GRIK2: variants seen among roughly 807,000 people sequenced by gnomAD.
GRIK2 encodes the protein glutamate receptor ionotropic, kainate 2.
In GRIK2, 32 loss-of-function variants were observed where a neutral mutation model predicts 100.3. The observed-to-expected ratio is 0.32, with a 90% CI of 0.24 to 0.43. The LOEUF is 0.43. Among genes scored for constraint, GRIK2 ranks in the 20% least tolerant of loss-of-function variants. The pLI, the probability that GRIK2 is intolerant of heterozygous loss-of-function variation, is 1.00. For synonymous variants in GRIK2, 417 were observed against 389.4 expected (o/e 1.07, Z -0.83); for missense variants, 843 against 1,114.9 (o/e 0.76, Z 3.47).
intron 2 of GRIK2, among the ~76,000 whole-genome samples, chr6:101,616,136 C>T (rs1198007549): frequency 6.6e-6 from 1 of 151,724 alleles, no homozygotes; most frequent in Non-Finnish European, 1.5e-5. Context: ...TTTTAGCTTT[C>T]TCTTCCTATT....
Position 101,588,138 on chromosome 6 carries a change from A to T in GRIK2, c.116-33811A>T, listed in dbSNP as rs1582777234. 2.0e-5 allele frequency among the ~76,000 whole-genome samples: 3 copies of T among 152,138 alleles called. 1 individual carries two copies. The East Asian group carries it at 5.8e-4, about 29-fold the overall frequency. On this transcript the variant is annotated intron_variant, in intron 2 of 16. Transcript: ENST00000369134. ...TTTTATTTTGTTAGTGTAAAATATG[A>T]ATATAACCTAAAATGTAAAGATCAT... is the stretch of plus-strand genomic sequence containing the variant.
intron 2 of GRIK2, among the ~76,000 whole-genome samples, chr6:101,449,647 CA>C (rs1770560056): frequency 6.6e-6 from 1 of 151,618 alleles, no homozygotes; most frequent in Non-Finnish European, 1.5e-5. Flanking sequence ...TGGAATTTAG[CA>C]AATTCTGTTG....
At chr6:101,750,425 T>C (rs919710898) in intron 7 of GRIK2, among the ~76,000 whole-genome samples, 4 of 152,154 alleles carry the variant, frequency 2.6e-5, no homozygotes, top group Non-Finnish European at 5.9e-5. Context: ...ATAAATGTGT[T>C]TGAAAACCAT....
intron 10 of GRIK2, among the ~76,000 whole-genome samples, chr6:101,856,560 A>C (rs888986485): frequency 2.0e-5 from 3 of 152,222 alleles, no homozygotes; most frequent in Admixed American, 6.5e-5. Flanking sequence ...GTTAGAGCTC[A>C]TAACTAATTT....
At chr6:101,572,568 G>A (rs1242904550) in intron 2 of GRIK2, among the ~76,000 whole-genome samples, 1 of 151,888 alleles carries the variant, frequency 6.6e-6, no homozygotes, top group African/African-American at 2.4e-5. Flanking sequence ...TAGTTGTTTT[G>A]ATTTCTTGCT....
chr6:101,927,210 G>A (rs1789958849), intron 13 of GRIK2: 1 of 160,698 alleles, frequency 6.2e-6, no homozygotes, highest in African/African-American at 2.4e-5. Context: ...AAGATGGGCT[G>A]TTTTGATATA....
At chr6:101,982,745 C>T (rs773879855) in intron 14 of GRIK2, among the ~76,000 whole-genome samples, 36 of 150,806 alleles carry the variant, frequency 2.4e-4, no homozygotes, top group Non-Finnish European at 5.2e-4. Flanking sequence ...TAAGTGTAGA[C>T]TACAGCAAAA....
chr6:102,060,061 T>C (rs978295478), intron 16 of GRIK2, among the ~76,000 whole-genome samples: 4 of 150,684 alleles, frequency 2.7e-5, no homozygotes, highest in Admixed American at 6.7e-5. Flanking sequence ...AGGTGTCCCA[T>C]CTTGAACACA....
intron 4 of GRIK2, among the ~76,000 whole-genome samples, chr6:101,671,698 T>C (rs1338283833): frequency 6.6e-6 from 1 of 152,054 alleles, no homozygotes. Flanking sequence ...ACCCCATCTC[T>C]ACTAAAAATA....
intron 14 of GRIK2, among the ~76,000 whole-genome samples, chr6:102,025,861 C>T (rs1345409358): frequency 1.3e-5 from 2 of 150,736 alleles, no homozygotes; most frequent in African/African-American, 4.9e-5. Context: ...AATGAATAAT[C>T]TAGTGAATTA....
chr6:101,696,396 C>T (rs1034093193), intron 7 of GRIK2, among the ~76,000 whole-genome samples: 1 of 151,752 alleles, frequency 6.6e-6, no homozygotes, highest in African/African-American at 2.4e-5. Context: ...AAATTACCTA[C>T]CTCTGGATCC....
At chr6:101,919,415 G>A (rs1317630103) in intron 12 of GRIK2, among the ~76,000 whole-genome samples, 4 of 151,800 alleles carry the variant, frequency 2.6e-5, no homozygotes, top group Non-Finnish European at 5.9e-5. Context: ...TAAGTCTCAA[G>A]AGCTCAGAGA....
At chr6:101,980,201 G>A (rs1346069626) in intron 14 of GRIK2, among the ~76,000 whole-genome samples, 1 of 151,866 alleles carries the variant, frequency 6.6e-6, no homozygotes, top group African/African-American at 2.4e-5. Context: ...GAGCTTCTGA[G>A]GCTGTTCAAA....
chr6:101,864,935 T>G (rs185841545), intron 11 of GRIK2, among the ~76,000 whole-genome samples: 1 of 152,348 alleles, frequency 6.6e-6, no homozygotes, highest in Admixed American at 6.5e-5. Context: ...GTTTAGCTCT[T>G]TTATAAGTGC....
At chr6:101,633,023 G>A (rs760299009) in intron 4 of GRIK2, among the ~76,000 whole-genome samples, 1 of 152,150 alleles carries the variant, frequency 6.6e-6, no homozygotes, top group Non-Finnish European at 1.5e-5. Flanking sequence ...AGTTTGTCAG[G>A]AAATTGCAAG....
At chr6:101,813,144 C>T (rs542954908) in intron 9 of GRIK2, among the ~76,000 whole-genome samples, 12 of 146,872 alleles carry the variant, frequency 8.2e-5, no homozygotes, top group African/African-American at 2.6e-4. Flanking sequence ...TCCACATATA[C>T]ACACACACAC....
At chr6:101,622,321 A>G (rs1780203989) in intron 3 of GRIK2, among the ~76,000 whole-genome samples, 1 of 152,198 alleles carries the variant, frequency 6.6e-6, no homozygotes, top group African/African-American at 2.4e-5. Context: ...AACATGAAAT[A>G]CAATTACATC....
At chr6:101,627,919 A>T (rs1780538486) in intron 4 of GRIK2, among the ~76,000 whole-genome samples, 1 of 152,192 alleles carries the variant, frequency 6.6e-6, no homozygotes, top group Admixed American at 6.6e-5. Flanking sequence ...ATGAAATTTT[A>T]ATTTTCATTG....
intron 2 of GRIK2, among the ~76,000 whole-genome samples, chr6:101,483,631 G>A (rs569010613): frequency 2.0e-5 from 3 of 152,142 alleles, no homozygotes; most frequent in African/African-American, 7.2e-5. Flanking sequence ...CTGGAGTGCA[G>A]TGGCACGATC....
Sources: gnomAD v4.1 joint callset for allele counts (sites outside exome capture counted in the v4.1 genomes callset) on GRCh38, gnomAD v4.1.1 for gene constraint, MANE v1.5 for transcripts, NCBI Gene and HGNC (gene_info 2026-07-23, HGNC 2026-07-21) for gene names.